ETFDH: variants seen among roughly 807,000 people sequenced by gnomAD.
ETFDH encodes electron transfer flavoprotein-ubiquinone oxidoreductase, mitochondrial.
Under a neutral mutation model 73.2 loss-of-function variants are expected in ETFDH, and 61 were observed. That is an observed-to-expected ratio of 0.83 (90% CI 0.68 to 1.03). The LOEUF is 1.03. Ranked by LOEUF, ETFDH falls within the 50% of genes least tolerant of loss-of-function variation. The pLI is 0.00. For synonymous variants in ETFDH, 243 were observed against 253.3 expected (o/e 0.96, Z 0.39); for missense variants, 685 against 745.0 (o/e 0.92, Z 0.94).
rs1160228391 is a variant in ETFDH at position 158,708,856 on chromosome 4, A to C, written c.*329A>C. 3.6e-6 allele frequency: 1 copy of C among 278,418 alleles called. No individual in the cohort carries two copies. The highest frequency in any genetic ancestry group is 6.9e-6 in the Non-Finnish European group (1 of 143,930). The allele number at this position is 278,418 out of a possible 1,614,324, so 17.2% of individuals were successfully genotyped here. On this transcript the variant is annotated 3_prime_UTR_variant, in exon 13 of 13. Coordinates refer to ENST00000511912, the MANE Select transcript of ETFDH (RefSeq NM_004453.4). Reference sequence around the variant, plus strand: ...AAAATGAATATATATTCTAGACTAAAGTTTTATTGAAACACAGCCATACCC... The same window carrying C: ...AAAATGAATATATATTCTAGACTAACGTTTTATTGAAACACAGCCATACCC...
intron 12 of ETFDH, among the ~76,000 whole-genome samples, chr4:158,707,913 G>C (rs1423491724): frequency 6.6e-6 from 1 of 152,242 alleles, no homozygotes; most frequent in Admixed American, 6.5e-5. Flanking sequence ...GTTATGGCCA[G>C]AGTGTGGCAA....
chr4:158,690,879 A>AAAATAAATAAAT lies in ETFDH; in HGVS notation c.684+470_684+481dup, dbSNP rs577737808. 7.6e-4 allele frequency among the ~76,000 whole-genome samples: 115 copies of AAAATAAATAAAT among 151,964 alleles called. 1 individual carries two copies. Among genetic ancestry groups the AAAATAAATAAAT allele is most frequent in the African/African-American group, 2.6e-3 (107 of 41,474 alleles). ...TTAGCCAGTCTTATAACCTGGTCTC[A>AAAATAAATAAAT]AAATAAATAAATAAATAAATAAATA... On this transcript the variant is annotated intron_variant, in intron 6 of 12. Coordinates refer to ENST00000511912, the MANE Select transcript of ETFDH (RefSeq NM_004453.4).
rs898587810 is a variant in ETFDH at position 158,708,135 on chromosome 4, T to C, written c.1691-229T>C. Among the ~76,000 whole-genome samples, 5 of 152,330 alleles carry C rather than the reference T, an allele frequency of 3.3e-5. No individual in the cohort carries two copies. In the South Asian group the frequency reaches 1.0e-3, roughly 32 times the overall value. ...CTCAAACACTCAGTGTCGAGTACCC[T>C]TGATAGTGAGACAACTCAGCTGAAT... On this transcript the variant is annotated intron_variant, in intron 12 of 12. Coordinates refer to ENST00000511912, the MANE Select transcript of ETFDH (RefSeq NM_004453.4).
chr4:158,686,685 C>T lies in ETFDH; in HGVS notation c.606+1466C>T, dbSNP rs982967723. On this transcript the variant is annotated intron_variant, in intron 5 of 12. Transcript: ENST00000511912. Reference sequence around the variant, plus strand: ...AGGATTTCAGGTTTCTATGACTCAACCTTGAGGAAGAGGAATCCTGGTTTC... The same window carrying T: ...AGGATTTCAGGTTTCTATGACTCAATCTTGAGGAAGAGGAATCCTGGTTTC... 3.9e-5 allele frequency among the ~76,000 whole-genome samples: 6 copies of T among 152,192 alleles called. No individual in the cohort carries two copies. The East Asian group carries it at 1.2e-3, about 29-fold the overall frequency.
chr4:158,692,885 AAAAACAT>A (rs1257391610), intron 6 of ETFDH, among the ~76,000 whole-genome samples: 4 of 93,940 alleles, frequency 4.3e-5, no homozygotes, highest in African/African-American at 1.3e-4. Context: ...TTAAAAAAAA[AAAAACAT>A]ATATATATAT....
In ETFDH at chr4:158,672,444, G is replaced by A; in HGVS notation, c.-13G>A. ...CCTGTTGTGTCCGACCGAGAGTCCT[G>A]GTGACTTTGAACATGCTGGTGCCGC... On this transcript the variant is annotated 5_prime_UTR_variant, in exon 1 of 13. Coordinates refer to ENST00000511912, the MANE Select transcript of ETFDH (RefSeq NM_004453.4). The A allele has an allele frequency of 1.9e-6, 3 of 1,614,092 alleles. No homozygotes were observed. The highest frequency in any genetic ancestry group is 2.5e-6 in the Non-Finnish European group (3 of 1,179,966).
intron 6 of ETFDH, among the ~76,000 whole-genome samples, chr4:158,692,886 A>ATATATAT (rs928714324): frequency 1.1e-5 from 1 of 88,150 alleles, no homozygotes; most frequent in African/African-American, 3.3e-5. Flanking sequence ...TAAAAAAAAA[A>ATATATAT]AAACATATAT....
At position 158,708,392 on chromosome 4, in the gene ETFDH, A is replaced by T. The variant is rs775288653; in HGVS notation, c.1719A>T (p.Gln573His). The T allele has an allele frequency of 6.2e-7, 1 of 1,612,300 alleles. No individual in the cohort carries two copies. Among genetic ancestry groups the T allele is most frequent in the African/African-American group, 1.3e-5 (1 of 74,890 alleles). Residue 573 changes from glutamine to histidine, a missense_variant, in exon 13 of 13, where the codon CAA becomes CAT. This residue lies in a region of ETFDH where 201 missense variants were observed against 225.2 expected (regional missense o/e 0.89). Transcript: ENST00000511912. ...TTTATGAATTTGTACCTGTGGAACA[A>T]GGTGATGGATTTCGGTTACAGATAA... ...AGVYEFVPVE[Q>H]GDGFRLQINA...
At chr4:158,687,125 T>A (rs1004444448) in intron 5 of ETFDH, among the ~76,000 whole-genome samples, 1 of 152,228 alleles carries the variant, frequency 6.6e-6, no homozygotes, top group African/African-American at 2.4e-5. Flanking sequence ...CAATGGTTTC[T>A]GACAGAAGCC....
chr4:158,688,567 G>C (rs1774072921), intron 5 of ETFDH, among the ~76,000 whole-genome samples: 1 of 151,822 alleles, frequency 6.6e-6, no homozygotes, highest in Admixed American at 6.6e-5. Context: ...CAGCTACTTG[G>C]GAGGCTGAGG....
Position 158,700,437 on chromosome 4 carries a change from C to T in ETFDH, c.1116+1307C>T, listed in dbSNP as rs138410007. ...ACCCTACTCTAATTTATAAAGGTTT[C>T]AGTATATTCAATAGTACACCCAGAT... On this transcript the variant is annotated intron_variant, in intron 9 of 12. Coordinates refer to ENST00000511912, the MANE Select transcript of ETFDH (RefSeq NM_004453.4). 3.3e-5 allele frequency among the ~76,000 whole-genome samples: 5 copies of T among 152,100 alleles called. No homozygotes were observed. In the East Asian group the frequency reaches 9.6e-4, roughly 29 times the overall value.
At chr4:158,674,612 G>A (rs1773668275) in intron 1 of ETFDH, among the ~76,000 whole-genome samples, 1 of 152,044 alleles carries the variant, frequency 6.6e-6, no homozygotes, top group African/African-American at 2.4e-5. Flanking sequence ...CAGTGCTATA[G>A]TTTTTAGTAT....
Position 158,707,038 on chromosome 4 carries a change from C to CA in ETFDH, c.1690+203dup, listed in dbSNP as rs77764489. On this transcript the variant is annotated intron_variant, in intron 12 of 12. Coordinates refer to ENST00000511912, the MANE Select transcript of ETFDH (RefSeq NM_004453.4). ...TAAGCCTAGTTCAGATAACATTTCT[C>CA]AAAAAAAAAAAAAAAGCCCTTTGTC... Among the ~76,000 whole-genome samples the CA allele has an allele frequency of 0.046, 4,958 of 107,450 alleles. 176 individuals carry two copies. Among genetic ancestry groups the CA allele is most frequent in the African/African-American group, 0.12 (3,553 of 30,006 alleles). 70.5% of individuals were successfully genotyped at this position (107,450 alleles called of 152,430 possible). A position where few individuals can be genotyped will look rare whatever the true frequency, so the allele number is the denominator to read the frequency against.
intron 10 of ETFDH, among the ~76,000 whole-genome samples, chr4:158,705,467 C>T (rs1774584562): frequency 6.6e-6 from 1 of 152,224 alleles, no homozygotes; most frequent in African/African-American, 2.4e-5. Flanking sequence ...AATAAGGTCA[C>T]AGTCTAAGGT....
intron 4 of ETFDH, 138 bp downstream of exon 4, chr4:158,684,811 C>T (rs1292315250): frequency 1.5e-6 from 1 of 676,644 alleles, no homozygotes; most frequent in Admixed American, 2.5e-5. Context: ...AGCTATACAG[C>T]TAGCTGGTGG....
At chr4:158,705,497 A>G (rs1774585214) in intron 10 of ETFDH, among the ~76,000 whole-genome samples, 1 of 152,206 alleles carries the variant, frequency 6.6e-6, no homozygotes, top group Non-Finnish European at 1.5e-5. Context: ...TAGGACTTCA[A>G]AACCTATTTT....
chr4:158,700,440 T>C (rs1475192964), intron 9 of ETFDH, among the ~76,000 whole-genome samples: 4 of 152,112 alleles, frequency 2.6e-5, no homozygotes, highest in African/African-American at 9.7e-5. Flanking sequence ...AAGGTTTCAG[T>C]ATATTCAATA....
At chr4:158,689,281 T>C (rs1306032573) in intron 5 of ETFDH, among the ~76,000 whole-genome samples, 1 of 152,116 alleles carries the variant, frequency 6.6e-6, no homozygotes, top group Non-Finnish European at 1.5e-5. Flanking sequence ...CCCATATACA[T>C]GCATTTGGGG....
chr4:158,697,466 G>A, intron 7 of ETFDH, 93 bp from the exon 8 acceptor site: 1 of 1,000,052 alleles, frequency 1.0e-6, no homozygotes, highest in South Asian at 1.4e-5. Context: ...TCATAAATAA[G>A]ACATTAAACC....
Sources: gnomAD v4.1 joint callset for allele counts (sites outside exome capture counted in the v4.1 genomes callset) on GRCh38, gnomAD v4.1.1 for gene constraint, gnomAD v4.1.1 regional missense constraint, MANE v1.5 for transcripts, NCBI Gene and HGNC (gene_info 2026-07-23, HGNC 2026-07-21) for gene names.